Variants in ADAM32 observed in about 807,000 individuals in gnomAD.
ADAM32 encodes ADAM metallopeptidase domain 32.
Under a neutral mutation model 114.9 loss-of-function variants are expected in ADAM32, and 89 were observed. The ratio of observed to expected loss-of-function variants is 0.77; its 90% CI spans 0.65 to 0.92. The LOEUF is 0.92. Ranked by LOEUF, ADAM32 falls within the 40% of genes least tolerant of loss-of-function variation. The pLI is 0.00. For synonymous variants in ADAM32, 285 were observed against 307.5 expected, an observed-to-expected ratio of 0.93 and a Z score of 0.77; for missense variants, 870 against 932.8, an observed-to-expected ratio of 0.93 and a Z score of 0.88.
chr8:39,227,476 G>A (rs781270675), intron 14 of ADAM32, among the ~76,000 whole-genome samples: 4 of 152,102 alleles, frequency 2.6e-5, no homozygotes, highest in African/African-American at 2.4e-5. Context: ...AACAGACTCG[G>A]GGCTGTTAAA....
At chr8:39,125,453 G>T (rs1315769061) in intron 2 of ADAM32, among the ~76,000 whole-genome samples, 1 of 152,118 alleles carries the variant, frequency 6.6e-6, no homozygotes, top group Admixed American at 6.6e-5. Flanking sequence ...GCCTCAGGAT[G>T]AATCATAACT....
chr8:39,245,067 C>CAGTGGCTAAGA lies in ADAM32; in HGVS notation c.1819-1015_1819-1014insGTGGCTAAGAA, dbSNP rs1184952417. ...AAATATAATCAGCAGAGTAAACAGA[C>CAGTGGCTAAGA]AACCCACAGTGGCTAAGAAAATGTG... On this transcript the variant is annotated intron_variant, in intron 16 of 24. Coordinates refer to ENST00000379907, the MANE Select transcript of ADAM32 (RefSeq NM_145004.7). Among the ~76,000 whole-genome samples the CAGTGGCTAAGA allele has an allele frequency of 3.2e-3, 485 of 152,196 alleles. 2 individuals carry two copies. The highest frequency in any genetic ancestry group is 0.01 in the African/African-American group (435 of 41,558).
intron 11 of ADAM32, among the ~76,000 whole-genome samples, chr8:39,198,871 T>C (rs1010760252): frequency 6.6e-6 from 1 of 152,218 alleles, no homozygotes; most frequent in Non-Finnish European, 1.5e-5. Context: ...TTTAGGATTC[T>C]CTTAAGCATT....
At chr8:39,177,008 C>A (rs1805570943) in intron 10 of ADAM32, among the ~76,000 whole-genome samples, 1 of 151,242 alleles carries the variant, frequency 6.6e-6, no homozygotes, top group Admixed American at 6.6e-5. Flanking sequence ...AGGATTGCAA[C>A]TCCAACTTTT....
intron 1 of ADAM32, among the ~76,000 whole-genome samples, chr8:39,115,654 G>T (rs1840344932): frequency 6.7e-6 from 1 of 149,016 alleles, no homozygotes; most frequent in Non-Finnish European, 1.5e-5. Context: ...GACCTTTGTT[G>T]GCATAGTTTG....
chr8:39,211,424 G>T (rs1442080687), intron 12 of ADAM32, 100 bp downstream of exon 12: 14 of 1,153,824 alleles, frequency 1.2e-5, no homozygotes, highest in Non-Finnish European at 1.6e-5. Flanking sequence ...GTACCATGCA[G>T]AATGTTGACA....
At position 39,155,916 on chromosome 8, in the gene ADAM32, T is replaced by A. The variant is rs186985177; in HGVS notation, c.525+4368T>A. ...AATTTATAACAATCATAGTTTGAATTAATACCAACTTAGCCTCTATAGTAT... is the reference window on the plus strand; with the variant it reads ...AATTTATAACAATCATAGTTTGAATAAATACCAACTTAGCCTCTATAGTAT... On this transcript the variant is annotated intron_variant, in intron 6 of 24. Transcript: ENST00000379907. Among the ~76,000 whole-genome samples the A allele has an allele frequency of 4.6e-5, 7 of 152,304 alleles. No homozygotes were observed. The East Asian group carries it at 1.4e-3, about 29-fold the overall frequency.
chr8:39,137,179 A>G (rs563026981), intron 3 of ADAM32, among the ~76,000 whole-genome samples: 1 of 152,344 alleles, frequency 6.6e-6, no homozygotes, highest in Admixed American at 6.5e-5. Flanking sequence ...GAATTATTAA[A>G]TAATTGAAAT....
intron 19 of ADAM32, among the ~76,000 whole-genome samples, chr8:39,258,098 A>C (rs1032561035): frequency 2.7e-5 from 4 of 150,044 alleles, no homozygotes; most frequent in Admixed American, 2.0e-4. Context: ...CTGCAGATGC[A>C]TTTCTTTTTC....
chr8:39,117,192 G>A (rs1840415037), intron 1 of ADAM32, among the ~76,000 whole-genome samples: 1 of 152,162 alleles, frequency 6.6e-6, no homozygotes, highest in South Asian at 2.1e-4. Context: ...CTGTTAAGCA[G>A]ATTTAAGGAA....
intron 2 of ADAM32, among the ~76,000 whole-genome samples, chr8:39,135,811 T>C (rs1490886698): frequency 6.6e-6 from 1 of 152,172 alleles, no homozygotes; most frequent in Non-Finnish European, 1.5e-5. Context: ...AAGATTAACA[T>C]AGAGATGAGG....
rs188830562 is a variant in ADAM32, at chr8:39,192,491, T to C, written c.1052+5446T>C. 4.5e-3 allele frequency among the ~76,000 whole-genome samples: 686 copies of C among 152,316 alleles called. 4 individuals carry two copies. Among genetic ancestry groups the C allele is most frequent in the African/African-American group, 0.016 (649 of 41,578 alleles). The stretch of plus-strand genomic sequence containing the variant: ...TAGCTTACCACTCCATGCCTTTTAA[T>C]TGGGGCATGTAGCCTGTTTACATTA... On this transcript the variant is annotated intron_variant, in intron 11 of 24. Coordinates refer to ENST00000379907, the MANE Select transcript of ADAM32 (RefSeq NM_145004.7).
chr8:39,199,472 G>T (rs981601486), intron 11 of ADAM32, among the ~76,000 whole-genome samples: 1 of 151,652 alleles, frequency 6.6e-6, no homozygotes, highest in African/African-American at 2.4e-5. Context: ...TGATTAATCT[G>T]GTCTACTATG....
At chr8:39,143,751 CAGACTGGATGTTTA>C (rs1056944727) in intron 3 of ADAM32, among the ~76,000 whole-genome samples, 1 of 152,172 alleles carries the variant, frequency 6.6e-6, no homozygotes, top group Non-Finnish European at 1.5e-5. Flanking sequence ...TCAGAGCTGT[CAGACTGGATGTTTA>C]AGTCTGCAGA....
rs748728799 is a variant in ADAM32, at chr8:39,165,075, T to A, written c.712T>A (p.Leu238Ile). 4 of 1,609,616 alleles carry A rather than the reference T, an allele frequency of 2.5e-6. No homozygotes were observed. The Admixed American group carries it at 6.8e-5, about 27-fold the overall frequency. ...TACTATTGTGCTGTCATCATTGGAG[T>A]TATGGTCAGATGAAAATAAGATTTC... ...KVTIVLSSLE[L>I]WSDENKISTV... Residue 238 changes from leucine to isoleucine, a missense_variant, in exon 9 of 25, where the codon TTA (leucine) becomes ATA (isoleucine). Transcript: ENST00000379907.
chr8:39,270,911 G>A lies in ADAM32; in HGVS notation c.2198G>A (p.Ser733Asn). ...KSEGSTQTYA[S>N]QSSSEGSTQT... ...GAAGGTAGCACACAGACATATGCCA[G>A]CCAGTAAGTAGTTTAGAAGGTGTTT... The change falls in exon 20 of 25, where the codon AGC (serine) becomes AAC (asparagine). Residue 733 changes from serine to asparagine, a missense_variant. By Grantham distance (46) the Ser-to-Asn change is conservative (BLOSUM62 1). Transcript: ENST00000379907. 6.2e-7 allele frequency: 1 copy of A among 1,608,974 alleles called. No homozygotes were observed. The highest frequency in any genetic ancestry group is 8.5e-7 in the Non-Finnish European group (1 of 1,176,888).
At position 39,136,859 on chromosome 8, in the gene ADAM32, CTTAA is replaced by C. The variant is rs543352112; in HGVS notation, c.200+146_200+149del. 401 of 622,226 alleles carry C rather than the reference CTTAA, an allele frequency of 6.4e-4. 1 individual carries two copies. The African/African-American group carries it at 6.6e-3, about 10-fold the overall frequency. 38.5% of individuals were successfully genotyped at this position (622,226 alleles called of 1,614,324 possible). ...TAAGTGAAGAGATGCTGTCCTGTGA[CTTAA>C]TTAAATTTTGGTTTTAATGTCTCAA... On this transcript the variant is annotated intron_variant, in intron 3 of 24. Transcript: ENST00000379907.
At chr8:39,261,149 G>T (rs1011574758) in intron 19 of ADAM32, among the ~76,000 whole-genome samples, 3 of 152,114 alleles carry the variant, frequency 2.0e-5, no homozygotes, top group African/African-American at 7.2e-5. Context: ...GTGATATAAA[G>T]AATTAGAACT....
At chr8:39,124,883 A>C (rs1334186653) in intron 2 of ADAM32, among the ~76,000 whole-genome samples, 1 of 152,226 alleles carries the variant, frequency 6.6e-6, no homozygotes, top group Non-Finnish European at 1.5e-5. Context: ...TTGCTAGGTC[A>C]AATGGTATTT....
Sources: gnomAD v4.1 joint callset for allele counts (sites outside exome capture counted in the v4.1 genomes callset) on GRCh38, gnomAD v4.1.1 for gene constraint, MANE v1.5 for transcripts, NCBI Gene and HGNC (gene_info 2026-07-23, HGNC 2026-07-21) for gene names.